The following METTL2A variants were observed in gnomAD, a reference collection of about 807,000 sequenced individuals.
METTL2A encodes the protein methyltransferase 2A, tRNA N3-cytidine.
METTL2A carries 45 observed loss-of-function variants against 49.4 expected under a neutral mutation model. The ratio of observed to expected loss-of-function variants is 0.91; its 90% confidence interval spans 0.72 to 1.17. The LOEUF (loss-of-function observed/expected upper bound fraction) is 1.17. METTL2A is among the 50% of genes most tolerant of loss of function. METTL2A has a pLI of 0.00. For missense variants in METTL2A, 361 were observed against 462.2 expected (o/e 0.78, Z 2.01); for synonymous variants, 118 against 167.5 (o/e 0.70, Z 2.28).
chr17:62,441,807 C>A (rs914499676), intron 6 of METTL2A, among the ~76,000 whole-genome samples: 1 of 149,488 alleles, frequency 6.7e-6, no homozygotes, highest in Non-Finnish European at 1.5e-5. Flanking sequence ...GTGATGAGAT[C>A]TTGGCTCACT....
At chr17:62,427,389 C>T (rs569692399) in intron 3 of METTL2A, among the ~76,000 whole-genome samples, 17 of 152,322 alleles carry the variant, frequency 1.1e-4, no homozygotes, top group East Asian at 5.8e-4. Flanking sequence ...TTCATTACCA[C>T]GCAGCACTGT....
rs2070794990 is a variant in METTL2A at position 62,449,916 on chromosome 17, A to G, written c.*1187A>G. ...GCCAACACGGTGAAACCTCGTCTCCACTAAAAATACCAAAAAAATTAGCTG... is the reference window on the plus strand; with the variant it reads ...GCCAACACGGTGAAACCTCGTCTCCGCTAAAAATACCAAAAAAATTAGCTG... On this transcript the variant is annotated 3_prime_UTR_variant, in exon 9 of 9. Coordinates refer to ENST00000311506, the MANE Select transcript of METTL2A (RefSeq NM_181725.4). The G allele has an allele frequency of 6.5e-6, 1 of 153,820 alleles. No individual in the cohort carries two copies. Among genetic ancestry groups the G allele is most frequent in the African/African-American group, 2.4e-5 (1 of 41,292 alleles). The allele number at this position is 153,820 out of a possible 1,614,324, so 9.5% of individuals were successfully genotyped here.
At chr17:62,432,230 G>A (rs1005106075) in intron 4 of METTL2A, among the ~76,000 whole-genome samples, 18 of 152,266 alleles carry the variant, frequency 1.2e-4, no homozygotes, top group Admixed American at 2.6e-4. Context: ...TTAAGTATAT[G>A]AAGTAAAATA....
chr17:62,430,830 C>G (rs1390330041), intron 4 of METTL2A, among the ~76,000 whole-genome samples: 2 of 151,994 alleles, frequency 1.3e-5, no homozygotes, highest in Admixed American at 6.6e-5. Context: ...AGGTGCCCAC[C>G]ACCACGCCCA....
rs1336313238 is a variant in METTL2A at position 62,449,802 on chromosome 17, G to T, written c.*1073G>T. The T allele has an allele frequency of 6.3e-6, 1 of 158,146 alleles. No individual in the cohort carries two copies. Among genetic ancestry groups the T allele is most frequent in the South Asian group, 1.8e-4 (1 of 5,538 alleles). 9.8% of individuals were successfully genotyped at this position (158,146 alleles called of 1,614,324 possible). ...GTGTCTAAAGAATTAAAAGAATTTGGCCGGGTGCGGCAGCTCATGCCTGTA... is the reference window on the plus strand; with the variant it reads ...GTGTCTAAAGAATTAAAAGAATTTGTCCGGGTGCGGCAGCTCATGCCTGTA... On this transcript the variant is annotated 3_prime_UTR_variant, in exon 9 of 9. Coordinates refer to ENST00000311506, the MANE Select transcript of METTL2A (RefSeq NM_181725.4).
In METTL2A at chr17:62,426,654, G is replaced by A; in HGVS notation, c.558G>A (p.Glu186=). 1 of 1,229,724 alleles carries A rather than the reference G, an allele frequency of 8.1e-7. No homozygotes were observed. Among genetic ancestry groups the A allele is most frequent in the Non-Finnish European group, 1.2e-6 (1 of 856,882 alleles). The allele number at this position is 1,229,724 out of a possible 1,614,324, so 76.2% of individuals were successfully genotyped here. ...PGSSATYRIL[E]VGCGVGNTVF... is the part of the protein sequence containing the mutation. ...CCTCAGCCACCTACCGAATACTGGA[G>A]GTAACCTTTTATTGTCTTGGTAGTG... Residue 186 remains glutamate, a splice_region_variant and synonymous_variant, in exon 3 of 9, where the codon GAG becomes GAA. Coordinates refer to ENST00000311506, the MANE Select transcript of METTL2A (RefSeq NM_181725.4).
At chr17:62,445,723 G>T (rs1380093961) in intron 7 of METTL2A, among the ~76,000 whole-genome samples, 2 of 151,878 alleles carry the variant, frequency 1.3e-5, no homozygotes. Context: ...CTTGAACCCA[G>T]GAGGCAGAGG....
chr17:62,437,104 C>A (rs529987734), intron 5 of METTL2A, among the ~76,000 whole-genome samples: 16 of 150,260 alleles, frequency 1.1e-4, no homozygotes, highest in African/African-American at 3.9e-4. Context: ...AACAAGATTG[C>A]AGCAATTCAG....
At chr17:62,435,958 T>C (rs1257937924) in intron 5 of METTL2A, among the ~76,000 whole-genome samples, 6 of 152,150 alleles carry the variant, frequency 3.9e-5, no homozygotes, top group African/African-American at 1.4e-4. Context: ...GATTGCATGC[T>C]GGTGCGGTGA....
At chr17:62,448,082 C>T (rs1420191870) in intron 8 of METTL2A, among the ~76,000 whole-genome samples, 3 of 152,176 alleles carry the variant, frequency 2.0e-5, no homozygotes, top group African/African-American at 7.2e-5. Context: ...ACCCTCTACA[C>T]GGGGTTGTGC....
chr17:62,448,966 A>G lies in METTL2A; in HGVS notation c.*237A>G, dbSNP rs2070787643. ...AGGTCTCGTTGATGTTGGACAATTCAAGAATTCAGACTTGAACCTTAAACC... is the reference window on the plus strand; with the variant it reads ...AGGTCTCGTTGATGTTGGACAATTCGAGAATTCAGACTTGAACCTTAAACC... On this transcript the variant is annotated 3_prime_UTR_variant, in exon 9 of 9. Coordinates refer to ENST00000311506, the MANE Select transcript of METTL2A (RefSeq NM_181725.4). 4.3e-6 allele frequency: 2 copies of G among 469,618 alleles called. No homozygotes were observed. Among genetic ancestry groups the G allele is most frequent in the African/African-American group, 2.0e-5 (1 of 49,680 alleles). 29.1% of individuals were successfully genotyped at this position (469,618 alleles called of 1,614,324 possible).
rs1396756918 is a variant in METTL2A at position 62,450,247 on chromosome 17, C to CATTTTTTTTTTTTTTTTTTTTTT, written c.*1518_*1519insATTTTTTTTTTTTTTTTTTTTTT. On this transcript the variant is annotated 3_prime_UTR_variant, in exon 9 of 9. Coordinates refer to ENST00000311506, the MANE Select transcript of METTL2A (RefSeq NM_181725.4). ...TGTGATCATTATCAGTGTTAGATGC[C>CATTTTTTTTTTTTTTTTTTTTTT]TTTTTTTTTTTTTTTTTTTTTTTTT... The CATTTTTTTTTTTTTTTTTTTTTT allele has an allele frequency of 3.0e-4, 24 of 80,540 alleles. 9 individuals are homozygous for CATTTTTTTTTTTTTTTTTTTTTT. Among genetic ancestry groups the CATTTTTTTTTTTTTTTTTTTTTT allele is most frequent in the Non-Finnish European group, 2.7e-4 (13 of 47,276 alleles). The allele number at this position is 80,540 out of a possible 1,614,324, so 5.0% of individuals were successfully genotyped here.
At chr17:62,432,037 G>T (rs1219578599) in intron 4 of METTL2A, among the ~76,000 whole-genome samples, 1 of 151,538 alleles carries the variant, frequency 6.6e-6, no homozygotes, top group Non-Finnish European at 1.5e-5. Flanking sequence ...GTGGTTTTAA[G>T]TTAATTCACA....
chr17:62,447,230 C>T (rs1288115016), intron 7 of METTL2A, among the ~76,000 whole-genome samples: 1 of 152,010 alleles, frequency 6.6e-6, no homozygotes, highest in Non-Finnish European at 1.5e-5. Flanking sequence ...ACCAGCCTGG[C>T]CAACATGGTG....
At chr17:62,433,932 C>T (rs948442455) in intron 4 of METTL2A, among the ~76,000 whole-genome samples, 1 of 151,580 alleles carries the variant, frequency 6.6e-6, no homozygotes, top group Non-Finnish European at 1.5e-5. Flanking sequence ...CACGGTGGTG[C>T]GCACCTGTAA....
At chr17:62,445,165 G>GTATAACTTTA (rs2070760947) in intron 7 of METTL2A, among the ~76,000 whole-genome samples, 1 of 151,848 alleles carries the variant, frequency 6.6e-6, no homozygotes, top group Non-Finnish European at 1.5e-5. Flanking sequence ...GCTGGGAGAG[G>GTATAACTTTA]GATAGCATTA....
At chr17:62,441,437 T>TTTTTA (rs944084514) in intron 6 of METTL2A, among the ~76,000 whole-genome samples, 3 of 152,146 alleles carry the variant, frequency 2.0e-5, no homozygotes, top group South Asian at 4.2e-4. Flanking sequence ...CATTATTGGA[T>TTTTTA]TTTTATTTTA....
In METTL2A at chr17:62,439,271, C is replaced by G. The variant is rs2070722031; in HGVS notation, c.670-1346C>G. Among the ~76,000 whole-genome samples the G allele has an allele frequency of 2.6e-5, 4 of 151,066 alleles. No homozygotes were observed. The Admixed American group carries it at 2.6e-4, about 10-fold the overall frequency. ...GCTAGGATTACAGGCATGCACCCGGCATTTTTTTATTTTTTGTAGAGATGA... is the reference window on the plus strand; with the variant it reads ...GCTAGGATTACAGGCATGCACCCGGGATTTTTTTATTTTTTGTAGAGATGA... On this transcript the variant is annotated intron_variant, in intron 5 of 8. Transcript: ENST00000311506.
intron 7 of METTL2A, among the ~76,000 whole-genome samples, chr17:62,447,062 A>C (rs527848935): frequency 6.6e-6 from 1 of 152,308 alleles, no homozygotes; most frequent in African/African-American, 2.4e-5. Flanking sequence ...AAGGACAGTC[A>C]CCACCAAAAT....
Sources: allele counts gnomAD v4.1 joint callset (sites outside exome capture counted in the v4.1 genomes callset), GRCh38; gene constraint gnomAD v4.1.1; transcripts MANE v1.5; gene names NCBI Gene and HGNC (gene_info 2026-07-23, HGNC 2026-07-21).